The following PCDHGB4 variants were observed in gnomAD, a reference collection of about 807,000 sequenced individuals.
PCDHGB4 encodes protocadherin gamma subfamily B, 4.
Under a neutral mutation model 60.5 loss-of-function variants are expected in PCDHGB4, and 38 were observed. The ratio of observed to expected loss-of-function variants is 0.63; its 90% CI spans 0.48 to 0.82. The LOEUF is 0.82. PCDHGB4 is among the 40% of genes least tolerant of loss of function. The pLI is 0.00. For missense variants in PCDHGB4, 1,109 were observed against 1,209.6 expected (o/e 0.92, Z 1.23); for synonymous variants, 456 against 509.7 (o/e 0.89, Z 1.42).
chr5:141,432,386 A>C lies in PCDHGB4; in HGVS notation c.2397+42105A>C. 1 of 1,614,204 alleles carries C rather than the reference A, an allele frequency of 6.2e-7. No homozygotes were observed. Among genetic ancestry groups the C allele is most frequent in the Non-Finnish European group, 8.5e-7 (1 of 1,180,032 alleles). ...GCGGGACAACGGGCACCCGCCCCTC[A>C]GCAGCAACGTGTCGTTGAGCCTGTT... On this transcript the variant is annotated intron_variant, in intron 1 of 3. Transcript: ENST00000519479. This position sits in a 1 kb window ranked among gnomAD's most constrained non-coding sequence, Gnocchi z 6.0.
chr5:141,479,568 G>A (rs553213095), intron 1 of PCDHGB4: 2 of 152,346 alleles, frequency 1.3e-5, no homozygotes, highest in East Asian at 3.9e-4. Context: ...GTAGTGGGAT[G>A]ACATCTGTGA....
chr5:141,437,377 A>G (rs1021305426), intron 1 of PCDHGB4, among the ~76,000 whole-genome samples: 3 of 152,246 alleles, frequency 2.0e-5, no homozygotes, highest in Non-Finnish European at 2.9e-5. Flanking sequence ...AATCAGTCAG[A>G]AGACATTCAT....
rs1421497518 is a variant in PCDHGB4 at position 141,431,979 on chromosome 5, A to G, written c.2397+41698A>G. ...GGAAATTACTATAGTTTAGTCACAGACATAGTCTTGGATAGGGAACAGGTT... is the reference window on the plus strand; with the variant it reads ...GGAAATTACTATAGTTTAGTCACAGGCATAGTCTTGGATAGGGAACAGGTT... On this transcript the variant is annotated intron_variant, in intron 1 of 3. Coordinates refer to ENST00000519479, the MANE Select transcript of PCDHGB4 (RefSeq NM_003736.4). This position sits in a 1 kb window ranked among gnomAD's most constrained non-coding sequence, Gnocchi z 4.8. 6.2e-7 allele frequency: 1 copy of G among 1,614,078 alleles called. No homozygotes were observed. The highest frequency in any genetic ancestry group is 1.3e-5 in the African/African-American group (1 of 74,932).
chr5:141,494,185 GAC>G (rs2099752607), intron 1 of PCDHGB4, among the ~76,000 whole-genome samples: 1 of 152,154 alleles, frequency 6.6e-6, no homozygotes, highest in Non-Finnish European at 1.5e-5. Context: ...AGTGTCCCGG[GAC>G]TTGGATGCCC....
At chr5:141,456,197 C>T (rs1353243708) in intron 1 of PCDHGB4, among the ~76,000 whole-genome samples, 1 of 152,090 alleles carries the variant, frequency 6.6e-6, no homozygotes, top group Non-Finnish European at 1.5e-5. Context: ...ATAACTCCTA[C>T]CACATTCCTC....
At chr5:141,466,864 C>G (rs925681539) in intron 1 of PCDHGB4, among the ~76,000 whole-genome samples, 24 of 151,910 alleles carry the variant, frequency 1.6e-4, no homozygotes, top group African/African-American at 5.3e-4. Flanking sequence ...TTTTGAAATC[C>G]ACACATTTTT....
chr5:141,455,448 C>T (rs1403500578), intron 1 of PCDHGB4, among the ~76,000 whole-genome samples: 1 of 152,112 alleles, frequency 6.6e-6, no homozygotes, highest in African/African-American at 2.4e-5. Context: ...CCATCTACCG[C>T]GGATACCAGC....
intron 1 of PCDHGB4, chr5:141,398,743 A>G: frequency 6.2e-7 from 1 of 1,613,864 alleles, no homozygotes; most frequent in Non-Finnish European, 8.5e-7. Flanking sequence ...GGAACAACAG[A>G]GTTACCATCG....
intron 1 of PCDHGB4, among the ~76,000 whole-genome samples, chr5:141,459,559 A>AC (rs920626314): frequency 6.6e-6 from 1 of 152,198 alleles, no homozygotes; most frequent in Non-Finnish European, 1.5e-5. Flanking sequence ...TTGGATAAAT[A>AC]CCCCAAAACA....
chr5:141,455,787 C>T (rs1259121501), intron 1 of PCDHGB4, among the ~76,000 whole-genome samples: 2 of 152,004 alleles, frequency 1.3e-5, no homozygotes, highest in Non-Finnish European at 2.9e-5. Flanking sequence ...GAAACTTTTC[C>T]GGAGATGCTT....
chr5:141,401,125 C>T (rs2094118410), intron 1 of PCDHGB4, among the ~76,000 whole-genome samples: 1 of 152,200 alleles, frequency 6.6e-6, no homozygotes, highest in South Asian at 2.1e-4. Context: ...GGTTGGATCA[C>T]ATGGTCAGGA....
chr5:141,415,860 A>G (rs2095965840), intron 1 of PCDHGB4: 3 of 1,175,636 alleles, frequency 2.6e-6, no homozygotes, highest in Middle Eastern at 3.1e-4. Context: ...CTTGTAGTTT[A>G]TAGTGTTGTT....
chr5:141,409,292 A>G, intron 1 of PCDHGB4: 1 of 1,614,012 alleles, frequency 6.2e-7, no homozygotes, highest in Admixed American at 1.7e-5. Flanking sequence ...ACCTCCAGGA[A>G]TGGTTGTTGC....
Position 141,410,699 on chromosome 5 carries a change from A to C in PCDHGB4, c.2397+20418A>C, listed in dbSNP as rs760193148. On this transcript the variant is annotated intron_variant, in intron 1 of 3. Transcript: ENST00000519479. ...ATTTTAGGCATACTACTTTATTTTC[A>C]TATCTAGAATCATATGTTTAAAATC... The C allele has an allele frequency of 2.0e-6, 3 of 1,478,344 alleles. No homozygotes were observed. In the South Asian group the frequency reaches 4.0e-5, roughly 20 times the overall value. The allele number at this position is 1,478,344 out of a possible 1,614,324, so 91.6% of individuals were successfully genotyped here. A position where few individuals can be genotyped will look rare whatever the true frequency, so the allele number is the denominator to read the frequency against.
At chr5:141,404,532 A>G in intron 1 of PCDHGB4, 1 of 1,613,918 alleles carries the variant, frequency 6.2e-7, no homozygotes, top group Non-Finnish European at 8.5e-7. Context: ...CAGTTTAGAG[A>G]TTTGCAAATG....
rs2099641707 is a variant in PCDHGB4 at position 141,487,238 on chromosome 5, C to T, written c.2398-7569C>T. 1.2e-6 allele frequency: 2 copies of T among 1,614,056 alleles called. No individual in the cohort carries two copies. The highest frequency in any genetic ancestry group is 1.7e-6 in the Non-Finnish European group (2 of 1,180,022). On this transcript the variant is annotated intron_variant, in intron 1 of 3. Transcript: ENST00000519479. This position sits in a 1 kb window ranked among gnomAD's most constrained non-coding sequence, Gnocchi z 5.0. ...AGCTCCAAGGGAAGGAGAATCTCGT[C>T]TAACCCTCTACTTGGCTGTGTCCCT...
At chr5:141,436,211 C>T (rs12108692) in intron 1 of PCDHGB4, among the ~76,000 whole-genome samples, 2,997 of 152,100 alleles carry the variant, frequency 0.02, 43 homozygotes, top group African/African-American at 0.029. Flanking sequence ...AATAGGAAAA[C>T]AAATGACTTG....
Position 141,493,806 on chromosome 5 carries a change from T to C in PCDHGB4, c.2398-1001T>C, listed in dbSNP as rs1339302166. On this transcript the variant is annotated intron_variant, in intron 1 of 3. Coordinates refer to ENST00000519479, the MANE Select transcript of PCDHGB4 (RefSeq NM_003736.4). This position sits in a 1 kb window ranked among gnomAD's most constrained non-coding sequence, Gnocchi z 4.3. ...TCCTTCTCCCTGGAGTAATCTGAGA[T>C]ACTCACACTCTCTGCTTCTGGGAGC... is the stretch of plus-strand genomic sequence containing the variant. Among the ~76,000 whole-genome samples, 1 of 152,162 alleles carries C rather than the reference T, an allele frequency of 6.6e-6. No homozygotes were observed. The highest frequency in any genetic ancestry group is 1.5e-5 in the Non-Finnish European group (1 of 68,038).
rs1001412632 is a variant in PCDHGB4, at chr5:141,493,097, A to G, written c.2398-1710A>G. On this transcript the variant is annotated intron_variant, in intron 1 of 3. Transcript: ENST00000519479. The surrounding 1 kb of genome is among the most constrained non-coding windows in gnomAD (Gnocchi z 4.3). ...AACTCCAGGAGCTTTTATTCAAAAT[A>G]TATCAATGCCTAACTCTGCTCCTAG... Among the ~76,000 whole-genome samples, 1 of 152,224 alleles carries G rather than the reference A, an allele frequency of 6.6e-6. No homozygotes were observed. The highest frequency in any genetic ancestry group is 2.4e-5 in the African/African-American group (1 of 41,456).
Sources: gnomAD v4.1 joint callset for allele counts (sites outside exome capture counted in the v4.1 genomes callset) on GRCh38, gnomAD v4.1.1 for gene constraint, Gnocchi (gnomAD v3.1) non-coding constraint, MANE v1.5 for transcripts, NCBI Gene and HGNC (gene_info 2026-07-23, HGNC 2026-07-21) for gene names.